TTN: variants seen among roughly 807,000 people sequenced by gnomAD.
TTN encodes titin.
A neutral mutation model predicts 3,223.0 loss-of-function variants in TTN; 1,525 were observed. The ratio of observed to expected loss-of-function variants is 0.47; its 90% CI spans 0.45 to 0.49. The LOEUF (loss-of-function observed/expected upper bound fraction) is 0.49, where lower values mean the gene tolerates loss of function less well. Among genes scored for constraint, TTN ranks in the 20% least tolerant of loss-of-function variants. The pLI is 0.00. For missense variants in TTN, 40,786 were observed against 43,424.0 expected (o/e 0.94, Z 5.40); for synonymous variants, 14,094 against 15,161.0 (o/e 0.93, Z 5.17).
chr2:178,799,427 C>A, intron 6 of TTN, 60 bp downstream of exon 6: 2 of 1,612,056 alleles, frequency 1.2e-6, no homozygotes, highest in Non-Finnish European at 1.7e-6. Context: ...GGGAATCTTT[C>A]TCGTTTCAAA....
At position 178,741,902 on chromosome 2, in the gene TTN, C is replaced by G; in HGVS notation, c.11331G>C (p.Leu3777=). The change falls in exon 48 of 363, where the codon CTG becomes CTC. Residue 3777 remains leucine (L), a synonymous_variant. Coordinates refer to ENST00000589042, the MANE Select transcript of TTN (RefSeq NM_001267550.2). ...TATGAAGTCCTTCTTCCTCGGCAGA[C>G]AGAAAAGAACTAGAAAACTCTGTAT... The part of the protein sequence containing the change: ...MEMKEFSSSF[L]SAEEEGLHSA... 1 of 1,548,672 alleles carries G rather than the reference C, an allele frequency of 6.5e-7. No homozygotes were observed. The highest frequency in any genetic ancestry group is 8.7e-7 in the Non-Finnish European group (1 of 1,146,352).
At chr2:178,537,303 C>G (rs1348380307) in intron 355 of TTN, 39 bp downstream of exon 355, 1 of 1,519,536 alleles carries the variant, frequency 6.6e-7, no homozygotes. Context: ...ATTTTTTTTT[C>G]TTTAAAAATA....
chr2:178,604,890 A>T lies in TTN; in HGVS notation c.54199T>A (p.Ser18067Thr). 1.2e-6 allele frequency: 2 copies of T among 1,611,424 alleles called. No individual in the cohort carries two copies. Among genetic ancestry groups the T allele is most frequent in the Middle Eastern group, 3.3e-4 (2 of 6,042 alleles). The change falls in exon 281 of 363, where the codon TCC (serine) becomes ACC (threonine). Residue 18067 changes from serine (S) to threonine (T), a missense_variant. Ser to Thr is a moderately conservative substitution (Grantham distance 58). Transcript: ENST00000589042. Reference protein sequence around the residue: ...NVHVEVYDRPSPPRNLAVTDI... With the variant: ...NVHVEVYDRPTPPRNLAVTDI... The stretch of plus-strand genomic sequence containing the variant: ...GTAACAGCAAGATTTCTTGGTGGGG[A>T]TGGGCGGTCTGGAAAGGAATCAACA...
In TTN at chr2:178,593,403, T is replaced by G; in HGVS notation, c.58805A>C (p.Lys19602Thr). The G allele has an allele frequency of 6.2e-7, 1 of 1,613,384 alleles. No homozygotes were observed. The highest frequency in any genetic ancestry group is 8.5e-7 in the Non-Finnish European group (1 of 1,179,590). ...TKDSALVTWN[K>T]PHDGGKPITN... ...GATGGGTTTTCCTCCATCATGTGGC[T>G]TATTCCAGGTTACTAATGCAGAGTC... The change falls in exon 299 of 363, where the codon AAG becomes ACG. Residue 19602 changes from lysine to threonine, a missense_variant. Lys to Thr is a moderately conservative substitution (Grantham distance 78). Transcript: ENST00000589042.
Position 178,782,912 on chromosome 2 carries a change from A to G in TTN, c.2994T>C (p.Ala998=), listed in dbSNP as rs1472642995. 1 of 1,613,972 alleles carries G rather than the reference A, an allele frequency of 6.2e-7. No individual in the cohort carries two copies. Among genetic ancestry groups the G allele is most frequent in the Non-Finnish European group, 8.5e-7 (1 of 1,180,014 alleles). Reference sequence around the variant, plus strand: ...CAAATGCTTCGCGAATCATAAGACGAGCAATTCCACTCTGGAAGGTTATCT... The same window carrying G: ...CAAATGCTTCGCGAATCATAAGACGGGCAATTCCACTCTGGAAGGTTATCT... ...DFQITFQSGI[A]RLMIREAFAE... is the part of the protein sequence containing the mutation. Residue 998 remains alanine (A), a synonymous_variant, in exon 18 of 363, where the codon GCT becomes GCC. Coordinates refer to ENST00000589042, the MANE Select transcript of TTN (RefSeq NM_001267550.2).
rs565670799 is a variant in TTN, at chr2:178,733,730, T to C, written c.15659A>G (p.Asn5220Ser). ...EDGKIKMSFSNGVAVLIIPDV... is the reference protein window; with the variant it reads ...EDGKIKMSFSSGVAVLIIPDV... ...AGGGATTATCAAGACTGCAACACCA[T>C]TGGAAAAGCTCATTTTGATTTTTCC... Residue 5220 changes from asparagine to serine, a missense_variant, in exon 53 of 363, where the codon AAT (asparagine) becomes AGT (serine). Asn to Ser is a conservative substitution (Grantham distance 46). Coordinates refer to ENST00000589042, the MANE Select transcript of TTN (RefSeq NM_001267550.2). 51 of 1,613,872 alleles carry C rather than the reference T, an allele frequency of 3.2e-5. No individual in the cohort carries two copies. In the South Asian group the frequency reaches 4.0e-4, roughly 13 times the overall value.
chr2:178,619,117 A>T (rs139370134), intron 250 of TTN: 50 of 512,128 alleles, frequency 9.8e-5, no homozygotes, highest in African/African-American at 9.4e-4. Flanking sequence ...GTAACATAGG[A>T]CTCAGTGTAG....
At chr2:178,806,734 A>G (rs2094336549) in intron 1 of TTN, among the ~76,000 whole-genome samples, 1 of 152,234 alleles carries the variant, frequency 6.6e-6, no homozygotes, top group South Asian at 2.1e-4. Flanking sequence ...GTTGACTGAC[A>G]GCAGGCAAGT....
At chr2:178,735,086 A>G (rs1224458659) in intron 50 of TTN, 98 bp from the exon 51 acceptor site, 35 of 1,310,704 alleles carry the variant, frequency 2.7e-5, no homozygotes, top group Non-Finnish European at 3.3e-5. Context: ...CCCAACACAC[A>G]TAAAATATCT....
rs1436112479 is a variant in TTN, at chr2:178,739,176, G to A, written c.14057C>T (p.Thr4686Ile). 3 of 1,516,648 alleles carry A rather than the reference G, an allele frequency of 2.0e-6. No individual in the cohort carries two copies. The highest frequency in any genetic ancestry group is 2.6e-6 in the Non-Finnish European group (3 of 1,134,014). 93.9% of individuals were successfully genotyped at this position (1,516,648 alleles called of 1,614,324 possible). Residue 4686 changes from threonine to isoleucine, a missense_variant, in exon 48 of 363, where the codon ACA becomes ATA. Physicochemically the swap from Thr to Ile is moderately conservative, Grantham distance 89 (BLOSUM62 -1). Coordinates refer to ENST00000589042, the MANE Select transcript of TTN (RefSeq NM_001267550.2). ...VCEALNDSGK[T>I]ATSAKLTVVK... ...TACAGTGAGTTTGGCTGAAGTTGCTGTTTTTCCGCTGTCATTCAAGGCCTC... is the reference window on the plus strand; with the variant it reads ...TACAGTGAGTTTGGCTGAAGTTGCTATTTTTCCGCTGTCATTCAAGGCCTC...
intron 344 of TTN, 38 bp downstream of exon 344, chr2:178,545,350 G>T: frequency 6.7e-7 from 1 of 1,501,150 alleles, no homozygotes; most frequent in Non-Finnish European, 8.9e-7. Context: ...ATATAGTTTT[G>T]AGGAGCATTG....
At position 178,615,296 on chromosome 2, in the gene TTN, T is replaced by TA; in HGVS notation, c.48638+10dup. On this transcript the variant is annotated intron_variant, in intron 259 of 362. Coordinates refer to ENST00000589042, the MANE Select transcript of TTN (RefSeq NM_001267550.2). ...GTACACATTTACTCTCATGCCAAAT[T>TA]AAAAACCTACTTTGTTTCTGCAACA... The TA allele has an allele frequency of 6.2e-7, 1 of 1,611,882 alleles. No homozygotes were observed. The highest frequency in any genetic ancestry group is 8.5e-7 in the Non-Finnish European group (1 of 1,178,760).
rs1202126471 is a variant in TTN at position 178,620,226 on chromosome 2, T to G, written c.46295A>C (p.Glu15432Ala). 9 of 1,536,960 alleles carry G rather than the reference T, an allele frequency of 5.9e-6. No individual in the cohort carries two copies. In the African/African-American group the frequency reaches 9.7e-5, roughly 17 times the overall value. ...KWYRNGREIK[E>A]GKKYKFEKDG... The stretch of plus-strand genomic sequence containing the variant: ...AAAAGATCTTGCTTACTTTTTGCCT[T>G]CTTTGATTTCTCTCCCATTTCTGTA... The change falls in exon 248 of 363, where the codon GAA becomes GCA. Residue 15432 changes from glutamate (E) to alanine (A), a missense_variant. Physicochemically the swap from Glu to Ala is moderately radical, Grantham distance 107. Transcript: ENST00000589042.
chr2:178,632,379 A>T lies in TTN; in HGVS notation c.43515T>A (p.Asp14505Glu). 6.2e-7 allele frequency: 1 copy of T among 1,600,678 alleles called. No individual in the cohort carries two copies. The highest frequency in any genetic ancestry group is 8.5e-7 in the Non-Finnish European group (1 of 1,173,700). Residue 14505 changes from aspartate to glutamate, a missense_variant, in exon 236 of 363, where the codon GAT becomes GAA. Physicochemically the swap from Asp to Glu is conservative, Grantham distance 45. Transcript: ENST00000589042. ...CACTTTCCTTCTCTTTGGCAGTTAC[A>T]TCTTTGAGAGGGGTGAGGAATTTGA... is the stretch of plus-strand genomic sequence containing the variant. ...IRLKFLTPLK[D>E]VTAKEKESAV... is the part of the protein sequence containing the mutation.
Position 178,584,642 on chromosome 2 carries a change from C to A in TTN, c.64972+27G>T, listed in dbSNP as rs1167642306. Reference sequence around the variant, plus strand: ...AAGTAACAAACTAGAAAGAAAACAACTTTTTTTCTCCTTCACAAAAACATA... The same window carrying A: ...AAGTAACAAACTAGAAAGAAAACAAATTTTTTTCTCCTTCACAAAAACATA... On this transcript the variant is annotated intron_variant, in intron 310 of 362. Transcript: ENST00000589042. The A allele has an allele frequency of 6.8e-6, 11 of 1,610,484 alleles. No individual in the cohort carries two copies. The East Asian group carries it at 2.5e-4, about 36-fold the overall frequency.
chr2:178,546,375 T>A lies in TTN; in HGVS notation c.94956A>T (p.Gly31652=). The change falls in exon 342 of 363, where the codon GGA becomes GGT. Residue 31652 remains glycine (G), a synonymous_variant. Transcript: ENST00000589042. ...KPEPKIIWTK[G]DKELDLCEKV... is the part of the protein sequence containing the mutation. ...TTTCACAGAGATCTAGCTCCTTGTC[T>A]CCTTTGGTCCAGATAATTTTGGGTT... 1 of 1,613,828 alleles carries A rather than the reference T, an allele frequency of 6.2e-7. No homozygotes were observed. Among genetic ancestry groups the A allele is most frequent in the Non-Finnish European group, 8.5e-7 (1 of 1,179,770 alleles).
chr2:178,640,538 T>C lies in TTN; in HGVS notation c.40723+3A>G, dbSNP rs1468033868. 2 of 1,602,500 alleles carry C rather than the reference T, an allele frequency of 1.2e-6. No homozygotes were observed. The highest frequency in any genetic ancestry group is 2.7e-5 in the African/African-American group (2 of 74,032). On this transcript the variant is annotated splice_donor_region_variant and intron_variant, in intron 221 of 362. Coordinates refer to ENST00000589042, the MANE Select transcript of TTN (RefSeq NM_001267550.2). ...ACAACTAAGAATGACAGTAGATTTG[T>C]ACCTTTTGTTGGTTCAGGAATCTTC...
Position 178,572,588 on chromosome 2 carries a change from C to CT in TTN, c.73543dup (p.Arg24515LysfsTer19), listed in dbSNP as rs2154170227. On this transcript the variant is annotated frameshift_variant, in exon 326 of 363. Transcript: ENST00000589042. LOFTEE classifies it high-confidence loss of function. Reference sequence around the variant, plus strand: ...TGGGGGGCCTGGTGTATCGAGAACTCTAACATTGACAAATGCAGACTTGCT... The same window carrying CT: ...TGGGGGGCCTGGTGTATCGAGAACTCTTAACATTGACAAATGCAGACTTGCT... 6.2e-7 allele frequency: 1 copy of CT among 1,613,416 alleles called. No individual in the cohort carries two copies. Among genetic ancestry groups the CT allele is most frequent in the Non-Finnish European group, 8.5e-7 (1 of 1,179,598 alleles).
chr2:178,664,690 C>G lies in TTN; in HGVS notation c.36166G>C (p.Val12056Leu). The change falls in exon 167 of 363, where the codon GTT (valine) becomes CTT (leucine). Residue 12056 changes from valine to leucine, a missense_variant. Transcript: ENST00000589042. ...AGGACTTCAGGCTTTCTGAGAGGAA[C>G]CACAAGCGTTTTCTTTTCAGGGACA... Reference protein sequence around the residue: ...EIVPEKKTLVVPLRKPEVLPD... With the variant: ...EIVPEKKTLVLPLRKPEVLPD... 6.2e-7 allele frequency: 1 copy of G among 1,612,556 alleles called. No individual in the cohort carries two copies. Among genetic ancestry groups the G allele is most frequent in the African/African-American group, 1.3e-5 (1 of 75,046 alleles).
Sources: gnomAD v4.1 joint callset for allele counts (sites outside exome capture counted in the v4.1 genomes callset) on GRCh38, gnomAD v4.1.1 for gene constraint, MANE v1.5 for transcripts, NCBI Gene and HGNC (gene_info 2026-07-23, HGNC 2026-07-21) for gene names.